The following SATB2 variants were observed in gnomAD, a reference collection of about 807,000 sequenced individuals.
SATB2 encodes the protein DNA-binding protein SATB2.
Under a neutral mutation model 73.4 loss-of-function variants are expected in SATB2, and 1 was observed. The ratio of observed to expected loss-of-function variants is 0.01; its 90% CI spans 0.00 to 0.06. SATB2 has a LOEUF of 0.06. Among genes scored for constraint, SATB2 ranks in the 10% least tolerant of loss-of-function variants. SATB2 has a pLI of 1.00. For missense variants in SATB2, 459 were observed against 945.8 expected, an observed-to-expected ratio of 0.49 and a Z score of 6.75; for synonymous variants, 397 against 367.0, an observed-to-expected ratio of 1.08 and a Z score of -0.93.
Position 199,323,917 on chromosome 2 carries a change from C to T in SATB2, c.1428G>A (p.Val476=), listed in dbSNP as rs753471227. Residue 476 remains valine (V), a synonymous_variant, in exon 9 of 11, where the codon GTG becomes GTA. Coordinates refer to ENST00000417098, the MANE Select transcript of SATB2 (RefSeq NM_001172509.2). Reference sequence around the variant, plus strand: ...CTGTGATGTTGATGTTGGCGCCGTCCACCTTAATAGGGAGGTCTGTTGTCG... The same window carrying T: ...CTGTGATGTTGATGTTGGCGCCGTCTACCTTAATAGGGAGGTCTGTTGTCG... ...STPTTDLPIK[V]DGANINITAA... is the part of the protein sequence containing the mutation. 13 of 1,613,416 alleles carry T rather than the reference C, an allele frequency of 8.1e-6. No homozygotes were observed. Among genetic ancestry groups the T allele is most frequent in the Non-Finnish European group, 1.0e-5 (12 of 1,179,568 alleles).
intron 10 of SATB2, among the ~76,000 whole-genome samples, chr2:199,274,917 T>G (rs1403881370): frequency 6.6e-6 from 1 of 152,098 alleles, no homozygotes; most frequent in Non-Finnish European, 1.5e-5. Context: ...CTGGGCAGTA[T>G]GAGCACTGCA....
At chr2:199,415,669 T>C (rs1314814089) in intron 3 of SATB2, among the ~76,000 whole-genome samples, 1 of 152,230 alleles carries the variant, frequency 6.6e-6, no homozygotes, top group Non-Finnish European at 1.5e-5. Flanking sequence ...CCCTGATTTA[T>C]CCAATGAGGT....
At position 199,422,211 on chromosome 2, in the gene SATB2, C is replaced by T. The variant is rs149430064; in HGVS notation, c.346+11127G>A. ...CGTAAAAGTATGCATAGAACTATAA[C>T]CAAAGGGAAGCAACCCAAATATTAC... On this transcript the variant is annotated intron_variant, in intron 3 of 10. Coordinates refer to ENST00000417098, the MANE Select transcript of SATB2 (RefSeq NM_001172509.2). Among the ~76,000 whole-genome samples the T allele has an allele frequency of 2.1e-3, 317 of 152,016 alleles. 4 individuals are homozygous for T. Among genetic ancestry groups the T allele is most frequent in the African/African-American group, 7.3e-3 (303 of 41,502 alleles).
chr2:199,429,252 T>C (rs921615406), intron 3 of SATB2, among the ~76,000 whole-genome samples: 4 of 152,168 alleles, frequency 2.6e-5, no homozygotes, highest in African/African-American at 9.7e-5. Flanking sequence ...AAAGAATTCA[T>C]GAAGGAAGTA....
At chr2:199,380,619 T>C (rs1559016937) in intron 4 of SATB2, 132 bp from the exon 5 acceptor site, 10 of 1,158,418 alleles carry the variant, frequency 8.6e-6, no homozygotes, top group Non-Finnish European at 1.1e-5. Flanking sequence ...GGGGTCTAAG[T>C]GAAGGAAGGG....
At chr2:199,402,085 T>C (rs1690495386) in intron 3 of SATB2, among the ~76,000 whole-genome samples, 1 of 151,888 alleles carries the variant, frequency 6.6e-6, no homozygotes, top group Non-Finnish European at 1.5e-5. Flanking sequence ...CAAATCTTCC[T>C]CAAGATTTGA....
chr2:199,444,462 A>C (rs1273044093), intron 2 of SATB2, among the ~76,000 whole-genome samples: 2 of 152,204 alleles, frequency 1.3e-5, no homozygotes, highest in East Asian at 3.8e-4. Flanking sequence ...TAACACCTTA[A>C]TCTCAAAAAG....
At chr2:199,396,340 A>G (rs1690299826) in intron 3 of SATB2, 1 of 152,200 alleles carries the variant, frequency 6.6e-6, no homozygotes, top group South Asian at 2.1e-4. Context: ...TGCTTCACCC[A>G]GGGGCACTCA....
At chr2:199,469,541 G>C (rs1413884591), upstream of SATB2, 1 of 152,340 alleles carries the variant, frequency 6.6e-6, no homozygotes. Flanking sequence ...AAGTGGTGGT[G>C]GGGGTGGGGG....
chr2:199,379,510 G>A (rs2105864454), intron 5 of SATB2, among the ~76,000 whole-genome samples: 1 of 152,198 alleles, frequency 6.6e-6, no homozygotes, highest in South Asian at 2.1e-4. Context: ...GGGGTGGGGA[G>A]TAGCATCTCA....
chr2:199,458,472 C>A, upstream of SATB2: 1 of 391,118 alleles, frequency 2.6e-6, no homozygotes, highest in Admixed American at 2.9e-5. Flanking sequence ...AGGCGGTGGC[C>A]GCGGCCAGCG....
chr2:199,333,156 C>CAA (rs566806045), intron 7 of SATB2, among the ~76,000 whole-genome samples: 7 of 140,936 alleles, frequency 5.0e-5, no homozygotes, highest in South Asian at 2.2e-4. Flanking sequence ...TACCTAGTCT[C>CAA]AAAAAAAAAA....
At position 199,457,738 on chromosome 2, in the gene SATB2, C is replaced by T; in HGVS notation, c.-459G>A. The stretch of plus-strand genomic sequence containing the variant: ...GCTGAGAACCCGGAGGCGGCGGCGG[C>T]GGCGGCGAGCCGGGGCTGCTGGTTC... On this transcript the variant is annotated 5_prime_UTR_variant, in exon 1 of 11. Transcript: ENST00000417098. This position sits in a 1 kb window ranked among gnomAD's most constrained non-coding sequence, Gnocchi z 4.8. 6.3e-6 allele frequency: 1 copy of T among 159,230 alleles called. No homozygotes were observed. Among genetic ancestry groups the T allele is most frequent in the Non-Finnish European group, 1.4e-5 (1 of 73,246 alleles). The allele number at this position is 159,230 out of a possible 1,614,324, so 9.9% of individuals were successfully genotyped here.
chr2:199,279,024 T>C (rs1167377739), intron 10 of SATB2, among the ~76,000 whole-genome samples: 2 of 152,236 alleles, frequency 1.3e-5, no homozygotes, highest in East Asian at 1.9e-4. Flanking sequence ...GAATAAGTTA[T>C]GGGTAGGAAT....
upstream of SATB2, among the ~76,000 whole-genome samples, chr2:199,462,498 T>G (rs748808107): frequency 6.6e-6 from 1 of 152,172 alleles, no homozygotes; most frequent in African/African-American, 2.4e-5. The surrounding 1 kb of genome is among the most constrained non-coding windows in gnomAD (Gnocchi z 5.9). Context: ...GCTTCAGCCC[T>G]TTCCCAGAGT....
chr2:199,400,856 A>C (rs1690449946), intron 3 of SATB2, among the ~76,000 whole-genome samples: 1 of 152,188 alleles, frequency 6.6e-6, no homozygotes, highest in Admixed American at 6.5e-5. Flanking sequence ...ATGCTGCTTA[A>C]GTCTGTCTTA....
chr2:199,453,425 T>A (rs1353504983), intron 2 of SATB2, among the ~76,000 whole-genome samples: 5 of 152,042 alleles, frequency 3.3e-5, no homozygotes, highest in Admixed American at 1.3e-4. Context: ...TATAAATACT[T>A]GTGTAGTTAT....
At chr2:199,354,349 C>T (rs1269788270) in intron 6 of SATB2, among the ~76,000 whole-genome samples, 4 of 152,098 alleles carry the variant, frequency 2.6e-5, no homozygotes, top group Non-Finnish European at 4.4e-5. Context: ...GAGTGAGATT[C>T]TGTCTCAAAA....
chr2:199,286,527 C>T (rs941391506), intron 10 of SATB2, among the ~76,000 whole-genome samples: 9 of 152,052 alleles, frequency 5.9e-5, no homozygotes, highest in Non-Finnish European at 1.0e-4. Context: ...TTGGGAAGAC[C>T]GGACCCTTTA....
Sources: gnomAD v4.1 joint callset for allele counts (sites outside exome capture counted in the v4.1 genomes callset) on GRCh38, gnomAD v4.1.1 for gene constraint, Gnocchi (gnomAD v3.1) non-coding constraint, MANE v1.5 for transcripts, NCBI Gene and HGNC (gene_info 2026-07-23, HGNC 2026-07-21) for gene names.